Variants in SHCBP1 observed in about 807,000 individuals in gnomAD.
SHCBP1 encodes SHC SH2 domain-binding protein 1.
Under a neutral mutation model 75.1 loss-of-function variants are expected in SHCBP1, and 60 were observed. The ratio of observed to expected loss-of-function variants is 0.80; its 90% CI spans 0.65 to 0.99. The LOEUF is 0.99. Ranked by LOEUF, SHCBP1 falls within the 50% of genes least tolerant of loss-of-function variation. SHCBP1 has a pLI of 0.00. For missense variants in SHCBP1, 709 were observed against 809.4 expected (o/e 0.88, Z 1.50); for synonymous variants, 290 against 293.2 (o/e 0.99, Z 0.11).
At position 46,604,285 on chromosome 16, in the gene SHCBP1, T is replaced by A. The variant is rs1339131551; in HGVS notation, c.866A>T (p.Tyr289Phe). 78 of 1,614,228 alleles carry A rather than the reference T, an allele frequency of 4.8e-5. No homozygotes were observed. The highest frequency in any genetic ancestry group is 6.5e-5 in the Non-Finnish European group (77 of 1,180,032). The change falls in exon 6 of 13, where the codon TAT (tyrosine) becomes TTT (phenylalanine). Residue 289 changes from tyrosine to phenylalanine, a missense_variant. Physicochemically the swap from Tyr to Phe is conservative, Grantham distance 22. Coordinates refer to ENST00000303383, the MANE Select transcript of SHCBP1 (RefSeq NM_024745.5). The stretch of plus-strand genomic sequence containing the variant: ...TTGTTTCAACTGTTCCATCTCCGAA[T>A]ACAATTTTAACCCTTCCACCATGGA... ...NISMVEGLKL[Y>F]SEMEQLKQKL... is the part of the protein sequence containing the mutation.
intron 8 of SHCBP1, among the ~76,000 whole-genome samples, chr16:46,600,823 G>A (rs1239811372): frequency 6.6e-6 from 1 of 152,022 alleles, no homozygotes; most frequent in Non-Finnish European, 1.5e-5. Context: ...GAGCAGCCTG[G>A]CCAACATACA....
At chr16:46,619,045 C>T (rs895704015) in intron 1 of SHCBP1, among the ~76,000 whole-genome samples, 2 of 152,108 alleles carry the variant, frequency 1.3e-5, no homozygotes, top group Non-Finnish European at 2.9e-5. Flanking sequence ...TAAACAGGGA[C>T]GAGAGTCTTA....
intron 10 of SHCBP1, among the ~76,000 whole-genome samples, chr16:46,592,147 C>A (rs892722347): frequency 6.0e-5 from 9 of 151,080 alleles, no homozygotes; most frequent in African/African-American, 2.2e-4. Flanking sequence ...AAAAAAAGAA[C>A]ATAAGTGAAA....
intron 10 of SHCBP1, among the ~76,000 whole-genome samples, chr16:46,590,789 C>G (rs1965034628): frequency 6.6e-6 from 1 of 152,150 alleles, no homozygotes; most frequent in Non-Finnish European, 1.5e-5. Context: ...ACTAGAAATA[C>G]CATTTGATCC....
Position 46,599,944 on chromosome 16 carries a change from T to C in SHCBP1, c.1232A>G (p.Asp411Gly), listed in dbSNP as rs907424955. 6 of 1,613,460 alleles carry C rather than the reference T, an allele frequency of 3.7e-6. No individual in the cohort carries two copies. Among genetic ancestry groups the C allele is most frequent in the African/African-American group, 1.3e-5 (1 of 74,980 alleles). Residue 411 changes from aspartate to glycine, a missense_variant, in exon 9 of 13, where the codon GAC becomes GGC. Asp to Gly is a moderately conservative substitution (Grantham distance 94). Transcript: ENST00000303383. ...TTTGCCCCTCTTTTCTATCACAATG[T>C]CATCTGGTAGGCCATATCCTAAGGA... ...IELEGYGLPD[D>G]IVIEKRGKGD... is the part of the protein sequence containing the mutation.
In SHCBP1 at chr16:46,604,022, T is replaced by C; in HGVS notation, c.1045A>G (p.Thr349Ala). 6.2e-7 allele frequency: 1 copy of C among 1,614,098 alleles called. No individual in the cohort carries two copies. ...MMAGLLRSLL[T>A]DRLCQEPGEE... ...CCAGGCTCCTGGCAAAGCCTGTCCG[T>C]AAGCAGGGACCGCAGGAGACCAGCC... The change falls in exon 7 of 13, where the codon ACG becomes GCG. Residue 349 changes from threonine to alanine, a missense_variant. Coordinates refer to ENST00000303383, the MANE Select transcript of SHCBP1 (RefSeq NM_024745.5).
chr16:46,585,864 C>T (rs755741431), intron 10 of SHCBP1, among the ~76,000 whole-genome samples: 2 of 152,114 alleles, frequency 1.3e-5, no homozygotes, highest in African/African-American at 4.8e-5. Flanking sequence ...AGACCTCCCA[C>T]CCCTACATAG....
At chr16:46,621,191 CT>C in intron 1 of SHCBP1, 65 bp downstream of exon 1, 4 of 1,479,228 alleles carry the variant, frequency 2.7e-6, no homozygotes, top group Admixed American at 1.9e-5. Context: ...AGGCGCCCTC[CT>C]AGGGTCCCGA....
rs1191130374 is a variant in SHCBP1, at chr16:46,584,085, G to A, written c.1469C>T (p.Ala490Val). The A allele has an allele frequency of 6.3e-7, 1 of 1,591,944 alleles. No homozygotes were observed. The highest frequency in any genetic ancestry group is 8.6e-7 in the Non-Finnish European group (1 of 1,166,900). Residue 490 changes from alanine to valine, a missense_variant, in exon 11 of 13, where the codon GCT (alanine) becomes GTT (valine). Transcript: ENST00000303383. ...KNSDLYGAKG[A>V]GIEIYPGSQC... ...ACTCCCAGGGTAGATTTCTATACCA[G>A]CACCCTGTGAGTCACAGTTTGAGAT...
chr16:46,607,185 T>C (rs1009508527), intron 5 of SHCBP1, among the ~76,000 whole-genome samples: 5 of 152,106 alleles, frequency 3.3e-5, no homozygotes, highest in African/African-American at 1.2e-4. Flanking sequence ...TGAAACCCTG[T>C]CTCTACTAAA....
At chr16:46,582,459 A>C (rs977858208) in intron 12 of SHCBP1, among the ~76,000 whole-genome samples, 6 of 152,238 alleles carry the variant, frequency 3.9e-5, no homozygotes, top group African/African-American at 1.4e-4. Flanking sequence ...AAGATTGCTA[A>C]TCAGTTTTCT....
chr16:46,619,620 T>A (rs979036623), intron 1 of SHCBP1, among the ~76,000 whole-genome samples: 17 of 152,264 alleles, frequency 1.1e-4, no homozygotes, highest in Non-Finnish European at 5.9e-5. Flanking sequence ...GCCTATTACA[T>A]AATGTATATG....
intron 5 of SHCBP1, among the ~76,000 whole-genome samples, chr16:46,604,796 T>C (rs1965300368): frequency 6.6e-6 from 1 of 152,174 alleles, no homozygotes; most frequent in South Asian, 2.1e-4. Flanking sequence ...TCTCATATAT[T>C]AGATTCAAAA....
chr16:46,584,383 AT>A, intron 10 of SHCBP1: 1 of 221,960 alleles, frequency 4.5e-6, no homozygotes. Context: ...TTCTAGATAA[AT>A]GTTTTCTGAT....
intron 5 of SHCBP1, among the ~76,000 whole-genome samples, chr16:46,607,416 G>A (rs973994141): frequency 1.3e-5 from 2 of 152,128 alleles, no homozygotes; most frequent in East Asian, 3.9e-4. Context: ...GAGTCACCAT[G>A]CCGGGCCTCA....
chr16:46,588,845 C>CA (rs1012705139), intron 10 of SHCBP1, among the ~76,000 whole-genome samples: 30 of 152,238 alleles, frequency 2.0e-4, no homozygotes, highest in Admixed American at 2.0e-3. Flanking sequence ...ATCCTGATAC[C>CA]AAAGCCTGGC....
intron 5 of SHCBP1, among the ~76,000 whole-genome samples, chr16:46,605,867 C>T (rs1286902515): frequency 6.6e-6 from 1 of 151,070 alleles, no homozygotes; most frequent in African/African-American, 2.4e-5. Flanking sequence ...AAAAAAGAAA[C>T]TTTTCCCGCT....
At chr16:46,621,210 G>C (rs200763188) in intron 1 of SHCBP1, 47 bp downstream of exon 1, 15 of 1,557,862 alleles carry the variant, frequency 9.6e-6, no homozygotes, top group Non-Finnish European at 1.3e-5. Context: ...CGACGCCCCA[G>C]GCCTCCGCTC....
At chr16:46,613,650 T>C (rs925215296) in intron 4 of SHCBP1, among the ~76,000 whole-genome samples, 1 of 152,202 alleles carries the variant, frequency 6.6e-6, no homozygotes, top group African/African-American at 2.4e-5. Context: ...AACAGCAACT[T>C]GACCTAATTT....
Sources: allele counts gnomAD v4.1 joint callset (sites outside exome capture counted in the v4.1 genomes callset), GRCh38; gene constraint gnomAD v4.1.1; transcripts MANE v1.5; gene names NCBI Gene and HGNC (gene_info 2026-07-23, HGNC 2026-07-21).